The following HECW2 variants were observed in gnomAD, a reference collection of about 807,000 sequenced individuals.
The protein encoded by HECW2 is E3 ubiquitin-protein ligase HECW2.
In HECW2, 61 loss-of-function variants were observed where a neutral mutation model predicts 175.2. The ratio of observed to expected loss-of-function variants is 0.35; its 90% CI spans 0.28 to 0.43. The LOEUF is 0.43. HECW2 is among the 20% of genes least tolerant of loss of function. The pLI is 1.00. For synonymous variants in HECW2, 671 were observed against 731.0 expected (o/e 0.92, Z 1.32); for missense variants, 1,524 against 2,000.5 (o/e 0.76, Z 4.54).
chr2:196,559,599 C>T (rs1347336010), intron 1 of HECW2, among the ~76,000 whole-genome samples: 1 of 152,182 alleles, frequency 6.6e-6, no homozygotes, highest in Non-Finnish European at 1.5e-5. Context: ...AGTTAGGATG[C>T]AAACAACAGA....
chr2:196,517,017 A>G (rs186298291), intron 1 of HECW2, among the ~76,000 whole-genome samples: 90 of 152,274 alleles, frequency 5.9e-4, no homozygotes, highest in African/African-American at 2.0e-3. Context: ...GAAAGTCCCA[A>G]TTTCTTCCTG....
chr2:196,529,868 C>T (rs1277891304), intron 1 of HECW2, among the ~76,000 whole-genome samples: 1 of 152,196 alleles, frequency 6.6e-6, no homozygotes, highest in Non-Finnish European at 1.5e-5. Flanking sequence ...TCATATCAGC[C>T]TGCCCTAACT....
At chr2:196,406,136 A>G (rs778766047) in intron 2 of HECW2, among the ~76,000 whole-genome samples, 2 of 152,044 alleles carry the variant, frequency 1.3e-5, no homozygotes, top group Non-Finnish European at 2.9e-5. Flanking sequence ...AGCTCCATCT[A>G]TGTGCCAGTG....
intron 1 of HECW2, among the ~76,000 whole-genome samples, chr2:196,584,761 G>A (rs1450650938): frequency 1.3e-5 from 2 of 152,062 alleles, no homozygotes; most frequent in Non-Finnish European, 2.9e-5. Context: ...ATATAGGCAA[G>A]TGATGAATTA....
intron 10 of HECW2, among the ~76,000 whole-genome samples, chr2:196,311,795 T>C (rs1376708114): frequency 6.6e-6 from 1 of 152,056 alleles, no homozygotes; most frequent in East Asian, 1.9e-4. Context: ...GGATTCCATC[T>C]CAAAACAACA....
Position 196,469,231 on chromosome 2 carries a change from T to C in HECW2, c.-35-35773A>G, listed in dbSNP as rs183181623. 9.2e-5 allele frequency among the ~76,000 whole-genome samples: 14 copies of C among 151,904 alleles called. No individual in the cohort carries two copies. The East Asian group carries it at 2.5e-3, about 27-fold the overall frequency. On this transcript the variant is annotated intron_variant, in intron 1 of 28. Coordinates refer to ENST00000644978, the MANE Select transcript of HECW2 (RefSeq NM_001348768.2). The stretch of plus-strand genomic sequence containing the variant: ...CTGCCCCGCCTTAAATAAAAGAACA[T>C]GTTACGGGTGCCAAAATGTAGAGAC...
intron 1 of HECW2, among the ~76,000 whole-genome samples, chr2:196,567,725 T>C (rs563257382): frequency 6.6e-6 from 1 of 152,350 alleles, no homozygotes; most frequent in East Asian, 1.9e-4. Context: ...ATAATTATGT[T>C]CTTTGGCAAA....
chr2:196,355,978 C>T (rs781706397), intron 2 of HECW2, among the ~76,000 whole-genome samples: 6 of 152,054 alleles, frequency 3.9e-5, no homozygotes, highest in Non-Finnish European at 7.4e-5. Context: ...TGGGAAAAGG[C>T]GTAACACAAA....
chr2:196,538,756 C>CT (rs1325041151), intron 1 of HECW2, among the ~76,000 whole-genome samples: 2 of 152,074 alleles, frequency 1.3e-5, no homozygotes, highest in African/African-American at 4.8e-5. Flanking sequence ...TCCCAGGTAC[C>CT]TTCATTTTAT....
At chr2:196,297,224 T>C (rs1314742884) in intron 13 of HECW2, among the ~76,000 whole-genome samples, 1 of 152,216 alleles carries the variant, frequency 6.6e-6, no homozygotes, top group Non-Finnish European at 1.5e-5. Context: ...AATTTAACTA[T>C]TCTTTTTAGT....
intron 16 of HECW2, 130 bp downstream of exon 16, chr2:196,273,891 G>T: frequency 1.6e-6 from 1 of 616,798 alleles, no homozygotes; most frequent in African/African-American, 1.8e-5. Flanking sequence ...CATTTCTTAA[G>T]GATAATGCAG....
chr2:196,526,313 T>C lies in HECW2; in HGVS notation c.-36+67195A>G, dbSNP rs1458761506. Among the ~76,000 whole-genome samples the C allele has an allele frequency of 6.0e-5, 8 of 133,784 alleles. No homozygotes were observed. The East Asian group carries it at 1.6e-3, about 27-fold the overall frequency. The allele number at this position is 133,784 out of a possible 152,430, so 87.8% of individuals were successfully genotyped here. ...CATTCTTCACGTAGTTCTCGAGCCTTGGTTTTCAGCTCCATCAGCTCCTTT... is the reference window on the plus strand; with the variant it reads ...CATTCTTCACGTAGTTCTCGAGCCTCGGTTTTCAGCTCCATCAGCTCCTTT... On this transcript the variant is annotated intron_variant, in intron 1 of 28. Coordinates refer to ENST00000644978, the MANE Select transcript of HECW2 (RefSeq NM_001348768.2).
Position 196,253,802 on chromosome 2 carries a change from C to T in HECW2, c.3529+118G>A. ...CAGGAAATGCACACGTGTATCTGTG[C>T]TAACACCAAAGATGTACCTGAAGTG... is the stretch of plus-strand genomic sequence containing the variant. On this transcript the variant is annotated intron_variant, in intron 19 of 28. Coordinates refer to ENST00000644978, the MANE Select transcript of HECW2 (RefSeq NM_001348768.2). 2 of 890,192 alleles carry T rather than the reference C, an allele frequency of 2.2e-6. 1 individual carries two copies. The highest frequency in any genetic ancestry group is 5.0e-5 in the East Asian group (2 of 40,130). The allele number at this position is 890,192 out of a possible 1,614,324, so 55.1% of individuals were successfully genotyped here.
chr2:196,236,249 C>T (rs1688249249), intron 21 of HECW2, among the ~76,000 whole-genome samples: 1 of 152,096 alleles, frequency 6.6e-6, no homozygotes, highest in Non-Finnish European at 1.5e-5. Flanking sequence ...CAAAATTTAC[C>T]CTGGGGGCTG....
At chr2:196,208,253 A>G (rs1034981424) in intron 28 of HECW2, among the ~76,000 whole-genome samples, 3 of 152,254 alleles carry the variant, frequency 2.0e-5, no homozygotes, top group African/African-American at 7.2e-5. Flanking sequence ...CAACTTTGTA[A>G]TATAAATGCT....
chr2:196,523,838 A>G (rs1378849044), intron 1 of HECW2, among the ~76,000 whole-genome samples: 3 of 151,910 alleles, frequency 2.0e-5, no homozygotes, highest in African/African-American at 4.8e-5. Flanking sequence ...ACTTGATCAT[A>G]GTGGATAAGC....
chr2:196,433,126 A>T lies in HECW2; in HGVS notation c.292+6T>A. 6.3e-7 allele frequency: 1 copy of T among 1,596,826 alleles called. No individual in the cohort carries two copies. Among genetic ancestry groups the T allele is most frequent in the Admixed American group, 1.7e-5 (1 of 59,160 alleles). ...GTCACATGCAAGTCCATTCCACTTG[A>T]CTCACCTATATGATAAAGTCCAATC... On this transcript the variant is annotated splice_donor_region_variant and intron_variant, in intron 2 of 28. Coordinates refer to ENST00000644978, the MANE Select transcript of HECW2 (RefSeq NM_001348768.2).
intron 2 of HECW2, among the ~76,000 whole-genome samples, chr2:196,431,898 G>T (rs1448899910): frequency 1.3e-5 from 2 of 152,172 alleles, no homozygotes; most frequent in Non-Finnish European, 2.9e-5. Flanking sequence ...CAAATCAAAT[G>T]TTTTTATTTC....
chr2:196,370,179 TACTAC>T (rs1050544464), intron 2 of HECW2, among the ~76,000 whole-genome samples: 1 of 151,924 alleles, frequency 6.6e-6, no homozygotes, highest in Non-Finnish European at 1.5e-5. Flanking sequence ...CCATGGTGAG[TACTAC>T]CTGGATACTG....
Sources: allele counts gnomAD v4.1 joint callset (sites outside exome capture counted in the v4.1 genomes callset), GRCh38; gene constraint gnomAD v4.1.1; transcripts MANE v1.5; gene names NCBI Gene and HGNC (gene_info 2026-07-23, HGNC 2026-07-21).